Variants in SLC10A7 observed in about 807,000 individuals in gnomAD.
SLC10A7 encodes solute carrier family 10 member 7, also known as sodium/bile acid cotransporter 7.
In SLC10A7, 29 loss-of-function variants were observed where a neutral mutation model predicts 43.2. The observed-to-expected ratio is 0.67, with a 90% CI of 0.50 to 0.92. SLC10A7 has a LOEUF of 0.92. Among genes scored for constraint, SLC10A7 ranks in the 40% least tolerant of loss-of-function variants. The pLI, the probability that SLC10A7 is intolerant of heterozygous loss-of-function variation, is 0.00. For missense variants in SLC10A7, 295 were observed against 403.2 expected (o/e 0.73, Z 2.30); for synonymous variants, 152 against 144.8 (o/e 1.05, Z -0.35).
chr4:146,415,093 G>A (rs1178533002), intron 5 of SLC10A7, among the ~76,000 whole-genome samples: 2 of 152,210 alleles, frequency 1.3e-5, no homozygotes, highest in Non-Finnish European at 2.9e-5. Context: ...TCTCATTTAT[G>A]TGGATTAGCA....
chr4:146,485,548 T>TCTTTG (rs1734837080), intron 4 of SLC10A7, among the ~76,000 whole-genome samples: 1 of 152,158 alleles, frequency 6.6e-6, no homozygotes, highest in African/African-American at 2.4e-5. Context: ...GTGTTCAAGG[T>TCTTTG]AATCTCCTGT....
At chr4:146,380,538 A>G (rs1579041556) in intron 5 of SLC10A7, among the ~76,000 whole-genome samples, 1 of 152,168 alleles carries the variant, frequency 6.6e-6, no homozygotes, top group Non-Finnish European at 1.5e-5. Flanking sequence ...TTCACTGCAT[A>G]TACTTATTTT....
At chr4:146,508,270 T>C (rs1486748888) in intron 3 of SLC10A7, among the ~76,000 whole-genome samples, 2 of 152,172 alleles carry the variant, frequency 1.3e-5, no homozygotes, top group African/African-American at 2.4e-5. Flanking sequence ...CATACATATA[T>C]ATGTCCTTTA....
At chr4:146,433,949 T>G (rs927967092) in intron 5 of SLC10A7, among the ~76,000 whole-genome samples, 1 of 152,174 alleles carries the variant, frequency 6.6e-6, no homozygotes, top group African/African-American at 2.4e-5. Context: ...CCATTTACAT[T>G]ATCCTTAAAA....
chr4:146,456,772 C>T (rs899003215), intron 4 of SLC10A7, among the ~76,000 whole-genome samples: 2 of 151,852 alleles, frequency 1.3e-5, no homozygotes, highest in African/African-American at 4.8e-5. Flanking sequence ...CAATCTCCAG[C>T]CCCCTCCTCT....
chr4:146,285,946 T>G (rs796466747), intron 9 of SLC10A7, among the ~76,000 whole-genome samples: 3,232 of 60,342 alleles, frequency 0.054, no homozygotes, highest in Middle Eastern at 0.12. Context: ...GACTGTGTTT[T>G]GAGTGGTGAG....
At chr4:146,445,893 G>T (rs565757761) in intron 4 of SLC10A7, among the ~76,000 whole-genome samples, 2 of 143,568 alleles carry the variant, frequency 1.4e-5, no homozygotes, top group South Asian at 4.4e-4. Context: ...TCTCTCTTCT[G>T]TGTGTGTGTG....
chr4:146,306,079 T>A (rs982157341), intron 6 of SLC10A7, 70 bp from the exon 7 acceptor site: 2 of 1,238,406 alleles, frequency 1.6e-6, no homozygotes, highest in African/African-American at 3.1e-5. Context: ...TTATAAATAA[T>A]GCAATAAATA....
At chr4:146,378,558 T>C (rs1189804936) in intron 5 of SLC10A7, among the ~76,000 whole-genome samples, 1 of 152,128 alleles carries the variant, frequency 6.6e-6, no homozygotes, top group Non-Finnish European at 1.5e-5. Context: ...CAATCTACAT[T>C]ATAGAGTACA....
intron 7 of SLC10A7, among the ~76,000 whole-genome samples, chr4:146,298,514 T>C (rs543574187): frequency 9.2e-5 from 14 of 152,312 alleles, no homozygotes; most frequent in African/African-American, 2.9e-4. Context: ...AATGTATAGA[T>C]ATGCTTTTTT....
intron 5 of SLC10A7, among the ~76,000 whole-genome samples, chr4:146,433,001 G>T (rs1311440673): frequency 6.6e-6 from 1 of 150,772 alleles, no homozygotes; most frequent in Non-Finnish European, 1.5e-5. Flanking sequence ...TCACGCCACT[G>T]CACTCCAGCG....
intron 5 of SLC10A7, chr4:146,442,237 T>TTA (rs57108158): frequency 0.44 from 355,377 of 802,026 alleles, 45,036 homozygotes; most frequent in East Asian, 0.69. Context: ...TTTTGAATCT[T>TTA]TATATATATA....
chr4:146,316,335 C>G (rs1732320814), intron 6 of SLC10A7, among the ~76,000 whole-genome samples: 1 of 151,730 alleles, frequency 6.6e-6, no homozygotes, highest in African/African-American at 2.4e-5. Context: ...ATATTTAAAT[C>G]CAAACCCCCT....
At chr4:146,266,422 GAC>G (rs145477159) in intron 10 of SLC10A7, among the ~76,000 whole-genome samples, 29 of 149,194 alleles carry the variant, frequency 1.9e-4, no homozygotes, top group Middle Eastern at 3.4e-3. Flanking sequence ...CATGCACATG[GAC>G]ACACACACAC....
At chr4:146,438,952 A>G (rs1306048553) in intron 5 of SLC10A7, among the ~76,000 whole-genome samples, 3 of 152,038 alleles carry the variant, frequency 2.0e-5, no homozygotes, top group Non-Finnish European at 4.4e-5. Flanking sequence ...CATAAATTTT[A>G]ATAGCATTTT....
intron 5 of SLC10A7, among the ~76,000 whole-genome samples, chr4:146,423,612 A>G (rs1358308817): frequency 6.6e-6 from 1 of 152,244 alleles, no homozygotes; most frequent in African/African-American, 2.4e-5. Flanking sequence ...AGATCAACGA[A>G]GAAAAAGAAA....
At chr4:146,382,938 C>T (rs1737736201) in intron 5 of SLC10A7, among the ~76,000 whole-genome samples, 1 of 151,834 alleles carries the variant, frequency 6.6e-6, no homozygotes, top group Admixed American at 6.6e-5. Flanking sequence ...TGCAGAATAT[C>T]ATCAATATCG....
chr4:146,399,216 G>T (rs531038647), intron 5 of SLC10A7, among the ~76,000 whole-genome samples: 1 of 152,250 alleles, frequency 6.6e-6, no homozygotes, highest in South Asian at 2.1e-4. Context: ...GGCTTGAAAT[G>T]CTTGAGGGGA....
At chr4:146,262,428 T>C (rs1728287506) in intron 10 of SLC10A7, among the ~76,000 whole-genome samples, 1 of 152,230 alleles carries the variant, frequency 6.6e-6, no homozygotes, top group African/African-American at 2.4e-5. Context: ...GAGAACCTGC[T>C]AAAAGCCACT....
Sources: allele counts gnomAD v4.1 joint callset (sites outside exome capture counted in the v4.1 genomes callset), GRCh38; gene constraint gnomAD v4.1.1; transcripts MANE v1.5; gene names NCBI Gene and HGNC (gene_info 2026-07-23, HGNC 2026-07-21).